Variants in PRKN observed in about 807,000 individuals in gnomAD.
PRKN encodes parkin RBR E3 ubiquitin protein ligase.
A neutral mutation model predicts 59.5 loss-of-function variants in PRKN; 56 were observed. The observed-to-expected ratio is 0.94, with a 90% CI of 0.76 to 1.18. PRKN has a LOEUF of 1.18. Ranked by LOEUF, PRKN falls within the 50% of genes most tolerant of loss-of-function variation. The probability of loss-of-function intolerance (pLI) is 0.00; values close to 1 mark genes in which losing one functional copy is unlikely to be tolerated. For synonymous variants in PRKN, 250 were observed against 222.1 expected (o/e 1.13, Z -1.12); for missense variants, 657 against 596.4 (o/e 1.10, Z -1.06).
At chr6:162,122,780 T>G (rs1780969999) in intron 4 of PRKN, among the ~76,000 whole-genome samples, 1 of 152,074 alleles carries the variant, frequency 6.6e-6, no homozygotes, top group South Asian at 2.1e-4. Context: ...TTTGAATTCT[T>G]ATATATGCGC....
At chr6:161,809,058 C>T (rs1791454262) in intron 6 of PRKN, among the ~76,000 whole-genome samples, 1 of 152,142 alleles carries the variant, frequency 6.6e-6, no homozygotes, top group Non-Finnish European at 1.5e-5. Context: ...CAAGGCTGAT[C>T]TCAAACTCCT....
intron 3 of PRKN, among the ~76,000 whole-genome samples, chr6:162,203,885 T>G (rs10945804): frequency 0.016 from 2,368 of 152,302 alleles, 58 homozygotes; most frequent in African/African-American, 0.053. Context: ...TCTTTTTGTA[T>G]AGTAAGTTTT....
At chr6:161,843,664 C>A (rs1368719928) in intron 6 of PRKN, among the ~76,000 whole-genome samples, 2 of 152,116 alleles carry the variant, frequency 1.3e-5, no homozygotes, top group African/African-American at 4.8e-5. Flanking sequence ...GTGGCGGGCA[C>A]CTGTAATCCC....
intron 7 of PRKN, among the ~76,000 whole-genome samples, chr6:161,570,124 T>TAAAAAAAAAAA (rs55699586): frequency 7.8e-5 from 4 of 51,418 alleles, no homozygotes; most frequent in Non-Finnish European, 1.4e-4. Context: ...AGTAAATAGG[T>TAAAAAAAAAAA]AAAAAAAAAA....
Position 162,445,712 on chromosome 6 carries a change from A to C in PRKN, c.8-2239T>G, listed in dbSNP as rs1333893163. Reference sequence around the variant, plus strand: ...TCTAAAAAAAAAAAAAAAAAAAAAAAAAAAAAAAAAAAAAAGTCCACATTT... The same window carrying C: ...TCTAAAAAAAAAAAAAAAAAAAAAACAAAAAAAAAAAAAAAGTCCACATTT... On this transcript the variant is annotated intron_variant, in intron 1 of 11. Coordinates refer to ENST00000366898, the MANE Select transcript of PRKN (RefSeq NM_004562.3). 2.9e-3 allele frequency among the ~76,000 whole-genome samples: 431 copies of C among 147,220 alleles called. 10 individuals are homozygous for C. Among genetic ancestry groups the C allele is most frequent in the African/African-American group, 0.01 (408 of 40,306 alleles).
At chr6:162,455,706 T>A (rs534344087) in intron 1 of PRKN, among the ~76,000 whole-genome samples, 62 of 151,110 alleles carry the variant, frequency 4.1e-4, no homozygotes, top group African/African-American at 1.5e-3. Context: ...TTACATCATG[T>A]CAAAAGGCGG....
chr6:162,220,014 T>C (rs1777862819), intron 3 of PRKN, among the ~76,000 whole-genome samples: 1 of 152,062 alleles, frequency 6.6e-6, no homozygotes, highest in African/African-American at 2.4e-5. Flanking sequence ...TCATCAGCAA[T>C]GGGGAAAAGA....
chr6:161,425,339 C>A (rs1788293802), intron 9 of PRKN, among the ~76,000 whole-genome samples: 1 of 152,172 alleles, frequency 6.6e-6, no homozygotes, highest in African/African-American at 2.4e-5. Context: ...TACAACACAT[C>A]AAAAATGCAC....
intron 1 of PRKN, among the ~76,000 whole-genome samples, chr6:162,555,501 A>C (rs978829194): frequency 1.3e-5 from 2 of 152,192 alleles, no homozygotes; most frequent in African/African-American, 4.8e-5. Context: ...ATTGCTTTTC[A>C]TCAGTAATAG....
chr6:161,815,099 G>A (rs184284495), intron 6 of PRKN, among the ~76,000 whole-genome samples: 8 of 152,302 alleles, frequency 5.3e-5, no homozygotes, highest in East Asian at 3.9e-4. Context: ...ACCATAAGCC[G>A]CATTTCATCC....
At chr6:162,107,624 C>T (rs564121888) in intron 4 of PRKN, among the ~76,000 whole-genome samples, 2 of 152,312 alleles carry the variant, frequency 1.3e-5, no homozygotes, top group South Asian at 4.1e-4. Flanking sequence ...GAGGTACATG[C>T]CTTTGTTAAC....
At chr6:161,743,010 G>T (rs1044966082) in intron 7 of PRKN, among the ~76,000 whole-genome samples, 1 of 152,082 alleles carries the variant, frequency 6.6e-6, no homozygotes, top group Non-Finnish European at 1.5e-5. Context: ...TCTGAAGACT[G>T]TAATACTCTA....
intron 5 of PRKN, among the ~76,000 whole-genome samples, chr6:162,011,986 C>G (rs1349843349): frequency 6.6e-6 from 1 of 152,014 alleles, no homozygotes; most frequent in African/African-American, 2.4e-5. Context: ...TAGATATAGA[C>G]AATACTACAC....
intron 1 of PRKN, among the ~76,000 whole-genome samples, chr6:162,515,926 A>G (rs6925670): frequency 0.39 from 58,695 of 152,056 alleles, 11,705 homozygotes; most frequent in South Asian, 0.57. Flanking sequence ...GGGTCTCTAT[A>G]AGAGGAGTCC....
rs10546457 is a variant in PRKN at position 161,466,062 on chromosome 6, TTG to T, written c.1084-79187_1084-79186del. 0.2 allele frequency among the ~76,000 whole-genome samples: 30,771 copies of T among 150,534 alleles called. 4,735 individuals are homozygous for T. The highest frequency in any genetic ancestry group is 0.44 in the African/African-American group (18,171 of 41,156). ...CTTCTATCACCACACATAGTTATCT[TTG>T]TGTGTGTGTGTGTGTGTGTCTGTGT... On this transcript the variant is annotated intron_variant, in intron 9 of 11. Transcript: ENST00000366898. This position sits in a 1 kb window ranked among gnomAD's most constrained non-coding sequence, Gnocchi z 5.0.
At chr6:161,821,238 G>A (rs1459576237) in intron 6 of PRKN, among the ~76,000 whole-genome samples, 1 of 152,056 alleles carries the variant, frequency 6.6e-6, no homozygotes, top group Non-Finnish European at 1.5e-5. Flanking sequence ...ATATCAGTCT[G>A]AAGCATAGGA....
rs117250224 is a variant in PRKN, at chr6:161,878,124, C to T, written c.735-92216G>A. ...GGAGGGAGCTATGAAGCTAGTGGCTCGGAATGGGGAAAGAGTAAATGCTCC... is the reference window on the plus strand; with the variant it reads ...GGAGGGAGCTATGAAGCTAGTGGCTTGGAATGGGGAAAGAGTAAATGCTCC... On this transcript the variant is annotated intron_variant, in intron 6 of 11. Transcript: ENST00000366898. 5.3e-3 allele frequency among the ~76,000 whole-genome samples: 807 copies of T among 152,188 alleles called. 2 individuals are homozygous for T. The highest frequency in any genetic ancestry group is 9.3e-3 in the Non-Finnish European group (631 of 68,014).
At chr6:162,416,734 G>A (rs1227178139) in intron 2 of PRKN, among the ~76,000 whole-genome samples, 2 of 152,094 alleles carry the variant, frequency 1.3e-5, no homozygotes, top group South Asian at 2.1e-4. Context: ...TTACTGACAC[G>A]TGATTGGGGA....
chr6:161,952,891 A>T (rs1212200121), intron 6 of PRKN, among the ~76,000 whole-genome samples: 2 of 152,220 alleles, frequency 1.3e-5, no homozygotes, highest in Non-Finnish European at 2.9e-5. Context: ...TCAAAGAATC[A>T]CATGTATAAA....
Sources: gnomAD v4.1 joint callset for allele counts (sites outside exome capture counted in the v4.1 genomes callset) on GRCh38, gnomAD v4.1.1 for gene constraint, Gnocchi (gnomAD v3.1) non-coding constraint, MANE v1.5 for transcripts, NCBI Gene and HGNC (gene_info 2026-07-23, HGNC 2026-07-21) for gene names.